Variants in PLCB4 observed in about 807,000 individuals in gnomAD.
PLCB4 encodes the protein 1-phosphatidylinositol 4,5-bisphosphate phosphodiesterase beta-4.
In PLCB4, 77 loss-of-function variants were observed where a neutral mutation model predicts 178.8. The observed-to-expected ratio is 0.43, with a 90% CI of 0.36 to 0.52. PLCB4 has a LOEUF of 0.52. Ranked by LOEUF, PLCB4 falls within the 20% of genes least tolerant of loss-of-function variation. The pLI, the probability that PLCB4 is intolerant of heterozygous loss-of-function variation, is 0.00. For synonymous variants in PLCB4, 496 were observed against 490.8 expected (o/e 1.01, Z -0.14); for missense variants, 1,024 against 1,453.4 (o/e 0.70, Z 4.80).
chr20:9,234,504 A>T (rs937460781), intron 3 of PLCB4, among the ~76,000 whole-genome samples: 1 of 152,086 alleles, frequency 6.6e-6, no homozygotes. Flanking sequence ...GTCAGGAAAA[A>T]CTTGGAGATT....
At chr20:9,215,574 A>G (rs1039910219) in intron 2 of PLCB4, among the ~76,000 whole-genome samples, 4 of 152,196 alleles carry the variant, frequency 2.6e-5, no homozygotes, top group Non-Finnish European at 5.9e-5. Flanking sequence ...CTAATTCTGT[A>G]TATTTGAAGT....
intron 2 of PLCB4, among the ~76,000 whole-genome samples, chr20:9,117,067 G>A (rs1006320537): frequency 3.3e-5 from 5 of 152,052 alleles, no homozygotes; most frequent in Admixed American, 1.3e-4. Flanking sequence ...CAATTTGTCC[G>A]AATTTGTCTA....
At chr20:9,243,625 A>T (rs1214905366) in intron 3 of PLCB4, among the ~76,000 whole-genome samples, 1 of 152,204 alleles carries the variant, frequency 6.6e-6, no homozygotes, top group African/African-American at 2.4e-5. Context: ...TGAAAAGCGC[A>T]TAGCCTTTTG....
intron 3 of PLCB4, among the ~76,000 whole-genome samples, chr20:9,238,928 C>T (rs1021472937): frequency 1.1e-4 from 16 of 152,062 alleles, no homozygotes; most frequent in Non-Finnish European, 2.2e-4. Context: ...TCACTATAGC[C>T]GTTTCTGTTT....
intron 21 of PLCB4, 114 bp downstream of exon 21, chr20:9,405,462 A>G (rs146505652): frequency 2.6e-5 from 16 of 619,958 alleles, no homozygotes; most frequent in Middle Eastern, 2.8e-4. Flanking sequence ...AAAAATCACA[A>G]AACTAGGGCA....
intron 2 of PLCB4, among the ~76,000 whole-genome samples, chr20:9,099,537 A>G (rs1167216454): frequency 6.6e-6 from 1 of 152,214 alleles, no homozygotes; most frequent in African/African-American, 2.4e-5. Flanking sequence ...CTCATTAGCT[A>G]CATGTGGCTA....
chr20:9,342,399 G>T (rs2033314537), intron 7 of PLCB4, among the ~76,000 whole-genome samples: 1 of 152,148 alleles, frequency 6.6e-6, no homozygotes, highest in Non-Finnish European at 1.5e-5. Flanking sequence ...TATAGCCTAG[G>T]AGCCTAGAAT....
chr20:9,478,525 A>G (rs2044703960), intron 39 of PLCB4, among the ~76,000 whole-genome samples: 1 of 152,214 alleles, frequency 6.6e-6, no homozygotes, highest in Non-Finnish European at 1.5e-5. Context: ...TGATAAAATT[A>G]TCTACACACA....
intron 2 of PLCB4, among the ~76,000 whole-genome samples, chr20:9,136,061 G>A (rs1243012833): frequency 2.0e-5 from 3 of 152,052 alleles, no homozygotes; most frequent in Admixed American, 6.6e-5. Context: ...CCCCAAGGTC[G>A]GTACATTTTT....
At chr20:9,367,962 T>A (rs1269599101) in intron 9 of PLCB4, among the ~76,000 whole-genome samples, 1 of 152,214 alleles carries the variant, frequency 6.6e-6, no homozygotes, top group African/African-American at 2.4e-5. Flanking sequence ...TTGTTAGAGT[T>A]GATGGAGAAT....
At chr20:9,161,021 G>A (rs979129578) in intron 2 of PLCB4, among the ~76,000 whole-genome samples, 1 of 152,128 alleles carries the variant, frequency 6.6e-6, no homozygotes, top group Admixed American at 6.6e-5. Context: ...CAAGCAGCAA[G>A]GCAGCTGACA....
chr20:9,236,621 C>T (rs1340764047), intron 3 of PLCB4, among the ~76,000 whole-genome samples: 1 of 152,136 alleles, frequency 6.6e-6, no homozygotes, highest in Non-Finnish European at 1.5e-5. Context: ...TGCTGTCTGT[C>T]CTTCTGCAAC....
chr20:9,204,095 C>T (rs2093586193), intron 2 of PLCB4, among the ~76,000 whole-genome samples: 1 of 151,738 alleles, frequency 6.6e-6, no homozygotes, highest in South Asian at 2.1e-4. Context: ...AATAATTCTA[C>T]TTCTAATCAC....
chr20:9,315,924 G>A (rs1377845913), intron 4 of PLCB4, among the ~76,000 whole-genome samples: 1 of 151,272 alleles, frequency 6.6e-6, no homozygotes, highest in African/African-American at 2.4e-5. Flanking sequence ...CTGGGTGACA[G>A]AGCGAGATTC....
At chr20:9,183,117 A>G (rs529460718) in intron 2 of PLCB4, among the ~76,000 whole-genome samples, 53 of 152,148 alleles carry the variant, frequency 3.5e-4, no homozygotes, top group Middle Eastern at 3.4e-3. Context: ...TGTTGTCCAA[A>G]CATAAGTGGT....
At chr20:9,175,320 G>T (rs1355256815) in intron 2 of PLCB4, among the ~76,000 whole-genome samples, 1 of 152,164 alleles carries the variant, frequency 6.6e-6, no homozygotes, top group Non-Finnish European at 1.5e-5. Flanking sequence ...TCATTCTCTA[G>T]ATCAGTTTAT....
At chr20:9,474,877 A>G (rs1372013231) in intron 38 of PLCB4, among the ~76,000 whole-genome samples, 1 of 152,156 alleles carries the variant, frequency 6.6e-6, no homozygotes, top group Admixed American at 6.5e-5. Context: ...GGGACAATAC[A>G]TGGTTATTGT....
intron 9 of PLCB4, 81 bp from the exon 10 acceptor site, chr20:9,371,133 A>G (rs2036219065): frequency 3.4e-6 from 3 of 883,808 alleles, no homozygotes; most frequent in Non-Finnish European, 3.9e-6. Flanking sequence ...CTCACTCTCC[A>G]TAGTAGGACC....
intron 1 of PLCB4, among the ~76,000 whole-genome samples, chr20:9,089,429 A>C (rs2090579048): frequency 6.6e-6 from 1 of 152,118 alleles, no homozygotes; most frequent in Admixed American, 6.6e-5. Flanking sequence ...AACTACCTTT[A>C]ATCTAATTAT....
Sources: gnomAD v4.1 joint callset for allele counts (sites outside exome capture counted in the v4.1 genomes callset) on GRCh38, gnomAD v4.1.1 for gene constraint, MANE v1.5 for transcripts, NCBI Gene and HGNC (gene_info 2026-07-23, HGNC 2026-07-21) for gene names.